IPCEF1: variants seen among roughly 807,000 people sequenced by gnomAD.
IPCEF1 encodes interaction protein for cytohesin exchange factors 1.
IPCEF1 carries 31 observed loss-of-function variants against 50.9 expected under a neutral mutation model. The observed-to-expected ratio is 0.61, with a 90% CI of 0.46 to 0.82. The LOEUF is 0.82. Among genes scored for constraint, IPCEF1 ranks in the 40% least tolerant of loss-of-function variants. The probability of loss-of-function intolerance (pLI) is 0.00; values close to 1 mark genes in which losing one functional copy is unlikely to be tolerated. For missense variants in IPCEF1, 458 were observed against 514.0 expected (o/e 0.89, Z 1.05); for synonymous variants, 181 against 192.0 (o/e 0.94, Z 0.47).
intron 2 of IPCEF1, among the ~76,000 whole-genome samples, chr6:154,273,554 A>C (rs1009166462): frequency 2.0e-5 from 3 of 152,146 alleles, no homozygotes; most frequent in Non-Finnish European, 4.4e-5. Flanking sequence ...AAGGCAAAGC[A>C]GGAGAGAAGG....
intron 2 of IPCEF1, among the ~76,000 whole-genome samples, chr6:154,281,321 C>A (rs1187847622): frequency 6.6e-6 from 1 of 151,370 alleles, no homozygotes; most frequent in Non-Finnish European, 1.5e-5. Flanking sequence ...CCACTACACT[C>A]CAGCCTGGGT....
intron 2 of IPCEF1, among the ~76,000 whole-genome samples, chr6:154,275,247 A>G (rs1782026518): frequency 6.6e-6 from 1 of 152,186 alleles, no homozygotes; most frequent in African/African-American, 2.4e-5. Flanking sequence ...AGCCACCTCA[A>G]AAGTTTGTAC....
intron 2 of IPCEF1, among the ~76,000 whole-genome samples, chr6:154,268,784 T>A (rs2128656851): frequency 6.6e-6 from 1 of 152,092 alleles, no homozygotes; most frequent in Admixed American, 6.5e-5. Flanking sequence ...TCAAACACAT[T>A]TATTTCCATT....
rs1398751834 is a variant in IPCEF1, at chr6:154,154,555, T to C, written c.*5273A>G. ...AAAACAAGTCTAGAAGCGATTTTGA[T>C]GACTGCCACCAGAGGGCACTGTAAC... On this transcript the variant is annotated 3_prime_UTR_variant, in exon 12 of 12. Coordinates refer to ENST00000367220, the MANE Select transcript of IPCEF1 (RefSeq NM_001130700.2). 6.6e-6 allele frequency: 1 copy of C among 152,228 alleles called. No homozygotes were observed. Among genetic ancestry groups the C allele is most frequent in the African/African-American group, 2.4e-5 (1 of 41,458 alleles). The allele number at this position is 152,228 out of a possible 1,614,324, so 9.4% of individuals were successfully genotyped here.
intron 8 of IPCEF1, 163 bp from the exon 9 acceptor site, chr6:154,213,018 A>G (rs975823440): frequency 1.5e-5 from 9 of 601,856 alleles, no homozygotes; most frequent in Middle Eastern, 4.4e-4. Flanking sequence ...AAGGAATTAC[A>G]TAAGAGGCAG....
chr6:154,246,571 G>C lies in IPCEF1; in HGVS notation c.246+20C>G. 6.3e-7 allele frequency: 1 copy of C among 1,598,306 alleles called. No individual in the cohort carries two copies. Among genetic ancestry groups the C allele is most frequent in the South Asian group, 1.1e-5 (1 of 89,182 alleles). On this transcript the variant is annotated intron_variant, in intron 5 of 11. Coordinates refer to ENST00000367220, the MANE Select transcript of IPCEF1 (RefSeq NM_001130700.2). ...CCCTCATTAAAACGGCTGGGAATAG[G>C]AGGAAGAAAGCAGACTCACCATTTG...
At chr6:154,339,930 G>T (rs1442071385) in intron 1 of IPCEF1, among the ~76,000 whole-genome samples, 1 of 145,338 alleles carries the variant, frequency 6.9e-6, no homozygotes, top group Non-Finnish European at 1.6e-5. Context: ...TGTTCAAGTT[G>T]TAAATAACGT....
intron 1 of IPCEF1, among the ~76,000 whole-genome samples, chr6:154,348,705 C>A (rs926936875): frequency 5.3e-5 from 8 of 152,138 alleles, no homozygotes; most frequent in African/African-American, 1.9e-4. Context: ...TCTTTAATAT[C>A]ATTTGCTTCA....
intron 10 of IPCEF1, among the ~76,000 whole-genome samples, chr6:154,169,599 A>C (rs534110373): frequency 6.6e-6 from 1 of 152,302 alleles, no homozygotes; most frequent in South Asian, 2.1e-4. Flanking sequence ...GGAGAGAAGA[A>C]ACCTGTCTGT....
intron 1 of IPCEF1, among the ~76,000 whole-genome samples, chr6:154,323,494 G>C (rs73005424): frequency 8.0e-5 from 4 of 50,142 alleles, no homozygotes; most frequent in Admixed American, 1.4e-4. Context: ...TTAGTATTTA[G>C]AAATAAACAT....
chr6:154,247,732 T>G (rs1460464417), intron 3 of IPCEF1: 1 of 402,828 alleles, frequency 2.5e-6, no homozygotes. Flanking sequence ...TGATGTTTCC[T>G]GTTCCCACCC....
At chr6:154,316,272 A>G (rs13198251) in intron 1 of IPCEF1, among the ~76,000 whole-genome samples, 4,205 of 152,328 alleles carry the variant, frequency 0.028, 91 homozygotes, top group Non-Finnish European at 0.042. Flanking sequence ...ATGCTATTGT[A>G]CACTTAATAA....
intron 1 of IPCEF1, among the ~76,000 whole-genome samples, chr6:154,295,586 G>A (rs753455578): frequency 2.6e-5 from 4 of 152,148 alleles, no homozygotes; most frequent in African/African-American, 9.7e-5. Flanking sequence ...GGTCAGCGAC[G>A]CCTGCACAAG....
chr6:154,293,207 G>A (rs2128670263), intron 1 of IPCEF1, among the ~76,000 whole-genome samples: 1 of 152,226 alleles, frequency 6.6e-6, no homozygotes, highest in East Asian at 1.9e-4. Context: ...AAACAAACAG[G>A]TTTCCCAACC....
chr6:154,226,072 G>A (rs1020589331), intron 5 of IPCEF1, among the ~76,000 whole-genome samples: 3 of 151,948 alleles, frequency 2.0e-5, no homozygotes, highest in Non-Finnish European at 4.4e-5. Flanking sequence ...CTCTTTCAGG[G>A]GTCTTGTTCT....
At chr6:154,195,635 G>A (rs921535129) in intron 10 of IPCEF1, among the ~76,000 whole-genome samples, 1 of 151,860 alleles carries the variant, frequency 6.6e-6, no homozygotes, top group African/African-American at 2.4e-5. Flanking sequence ...TCTTGTCTTG[G>A]GTCCCTGCTC....
At chr6:154,207,875 CCT>C (rs1230891378) in intron 9 of IPCEF1, among the ~76,000 whole-genome samples, 2 of 152,148 alleles carry the variant, frequency 1.3e-5, no homozygotes, top group East Asian at 1.9e-4. Context: ...ATATTTATCT[CCT>C]CTGTTTGTCT....
intron 9 of IPCEF1, among the ~76,000 whole-genome samples, chr6:154,203,446 TA>T (rs1426019006): frequency 2.0e-5 from 3 of 152,180 alleles, no homozygotes; most frequent in Non-Finnish European, 4.4e-5. Context: ...TAAACACAGA[TA>T]TTTTCCAATA....
At chr6:154,294,951 C>A (rs1001547230) in intron 1 of IPCEF1, among the ~76,000 whole-genome samples, 4 of 152,128 alleles carry the variant, frequency 2.6e-5, no homozygotes, top group Non-Finnish European at 5.9e-5. Flanking sequence ...GTAATCCCAG[C>A]ACTTTGGGAG....
Sources: allele counts gnomAD v4.1 joint callset (sites outside exome capture counted in the v4.1 genomes callset), GRCh38; gene constraint gnomAD v4.1.1; transcripts MANE v1.5; gene names NCBI Gene and HGNC (gene_info 2026-07-23, HGNC 2026-07-21).